The following ZNF599 variants were observed in gnomAD, a reference collection of about 807,000 sequenced individuals.
ZNF599 encodes zinc finger protein 599.
ZNF599 carries 10 observed loss-of-function variants against 11.7 expected under a neutral mutation model. The ratio of observed to expected loss-of-function variants is 0.86; its 90% CI spans 0.53 to 1.45. The LOEUF (loss-of-function observed/expected upper bound fraction) is 1.45, where lower values mean the gene tolerates loss of function less well. Among genes scored for constraint, ZNF599 ranks in the 40% most tolerant of loss-of-function variants. ZNF599 has a pLI of 0.00. For synonymous variants in ZNF599, 232 were observed against 253.2 expected (o/e 0.92, Z 0.79); for missense variants, 688 against 713.6 (o/e 0.96, Z 0.41).
At chr19:34,789,366 G>A in the ZNF599 span, among the ~76,000 whole-genome samples, 19 of 152,184 alleles carry the variant, frequency 1.2e-4, no homozygotes, top group East Asian at 3.3e-3. Context: ...TTGTGTCTAT[G>A]TCCAGAAGAG....
chr19:34,807,570 A>C, the ZNF599 span, among the ~76,000 whole-genome samples: 62 of 152,328 alleles, frequency 4.1e-4, 1 homozygote, highest in Middle Eastern at 0.01. Context: ...AACAGCTGCA[A>C]GGCAGCCAAA....
chr19:34,766,337 AG>A (rs1291762779), intron 3 of ZNF599, among the ~76,000 whole-genome samples: 4 of 152,198 alleles, frequency 2.6e-5, no homozygotes, highest in South Asian at 2.1e-4. Flanking sequence ...CAACAGGGCT[AG>A]GGAGTGCTTC....
Position 34,760,082 on chromosome 19 carries a change from G to C in ZNF599, c.719C>G (p.Ala240Gly). 1 of 1,614,038 alleles carries C rather than the reference G, an allele frequency of 6.2e-7. No homozygotes were observed. Among genetic ancestry groups the C allele is most frequent in the Non-Finnish European group, 8.5e-7 (1 of 1,179,982 alleles). ...AAGCCTCATATGTCGAATGACATCA[G>C]CCATATAACGACAGGCTTTCCCACA... The part of the protein sequence containing the change: ...NECGKACRYM[A>G]DVIRHMRLHT... Residue 240 changes from alanine to glycine, a missense_variant, in exon 4 of 4, where the codon GCT becomes GGT. Coordinates refer to ENST00000329285, the MANE Select transcript of ZNF599 (RefSeq NM_001007248.3).
chr19:34,785,920 T>C, the ZNF599 span, among the ~76,000 whole-genome samples: 5 of 152,236 alleles, frequency 3.3e-5, 1 homozygote. Flanking sequence ...GTGCTCCAAC[T>C]TGGGTGCTCC....
At chr19:34,765,491 A>G (rs1430163107) in intron 3 of ZNF599, 1 of 690,554 alleles carries the variant, frequency 1.4e-6, no homozygotes, top group African/African-American at 1.8e-5. Context: ...TAAATAAGTG[A>G]TGTTTTCAGC....
intron 3 of ZNF599, among the ~76,000 whole-genome samples, chr19:34,766,399 C>A (rs139526380): frequency 2.0e-5 from 3 of 152,116 alleles, no homozygotes; most frequent in Non-Finnish European, 1.5e-5. Flanking sequence ...CAATAAATGA[C>A]GGGCTGGAGA....
chr19:34,777,531 AATCTATAT>A (rs1036283435), upstream of ZNF599, among the ~76,000 whole-genome samples: 3 of 119,070 alleles, frequency 2.5e-5, no homozygotes, highest in African/African-American at 6.5e-5. Flanking sequence ...TATTATATAT[AATCTATAT>A]ATCTATATTA....
chr19:34,796,691 T>G, the ZNF599 span, among the ~76,000 whole-genome samples: 10 of 152,146 alleles, frequency 6.6e-5, no homozygotes, highest in Non-Finnish European at 2.9e-5. Context: ...GGCAATGCTT[T>G]ATTTCCATAT....
In ZNF599 at chr19:34,769,425, T is replaced by G. The variant is rs1469129265; in HGVS notation, c.145+4A>C. The stretch of plus-strand genomic sequence containing the variant: ...CCCTACATGGGAGGGTAATGAGGTC[T>G]TACCCAGTGAGACCAGGAGCCTGCA... On this transcript the variant is annotated splice_donor_region_variant and intron_variant, in intron 2 of 3. Coordinates refer to ENST00000329285, the MANE Select transcript of ZNF599 (RefSeq NM_001007248.3). 3 of 1,613,994 alleles carry G rather than the reference T, an allele frequency of 1.9e-6. No individual in the cohort carries two copies. The highest frequency in any genetic ancestry group is 1.3e-5 in the African/African-American group (1 of 74,912).
intron 3 of ZNF599, among the ~76,000 whole-genome samples, chr19:34,765,861 C>T (rs2069138855): frequency 6.6e-6 from 1 of 152,114 alleles, no homozygotes; most frequent in Non-Finnish European, 1.5e-5. Flanking sequence ...TAGCATTATG[C>T]AGGCAAGAGA....
chr19:34,807,390 C>T, the ZNF599 span, among the ~76,000 whole-genome samples: 3 of 152,160 alleles, frequency 2.0e-5, no homozygotes, highest in Non-Finnish European at 4.4e-5. Context: ...TGGGGACAGC[C>T]ACATGGCAGC....
chr19:34,782,971 TC>T, the ZNF599 span, among the ~76,000 whole-genome samples: 1 of 152,176 alleles, frequency 6.6e-6, no homozygotes, highest in Admixed American at 6.5e-5. Flanking sequence ...CTCCCCAACT[TC>T]CCAATTCAGA....
intron 1 of ZNF599, among the ~76,000 whole-genome samples, chr19:34,770,405 C>A (rs1030142706): frequency 1.3e-5 from 2 of 152,242 alleles, no homozygotes; most frequent in Non-Finnish European, 2.9e-5. Flanking sequence ...ACAGTTAAAA[C>A]AATTTCAGCC....
the ZNF599 span, among the ~76,000 whole-genome samples, chr19:34,800,689 G>A: frequency 1.5e-5 from 2 of 134,424 alleles, no homozygotes; most frequent in Non-Finnish European, 3.1e-5. Context: ...TCTGCCCCCC[G>A]GGTCCAAGCA....
At chr19:34,777,368 T>C (rs1396958393), upstream of ZNF599, among the ~76,000 whole-genome samples, 29 of 80,662 alleles carry the variant, frequency 3.6e-4, no homozygotes, top group African/African-American at 1.1e-3. Flanking sequence ...ATTAATATAT[T>C]ATATATTATA....
At chr19:34,772,615 G>C in intron 1 of ZNF599, 1 of 1,365,404 alleles carries the variant, frequency 7.3e-7, no homozygotes, top group East Asian at 3.1e-5. Context: ...CAGAGACAGG[G>C]ACCTCTCCTT....
At chr19:34,779,735 C>T in the ZNF599 span, 10 of 277,576 alleles carry the variant, frequency 3.6e-5, no homozygotes, top group Non-Finnish European at 5.6e-5. Context: ...AGTGTGAACT[C>T]GATGCATATT....
intron 3 of ZNF599, among the ~76,000 whole-genome samples, chr19:34,761,145 G>A (rs2069110894): frequency 6.6e-6 from 1 of 152,144 alleles, no homozygotes; most frequent in South Asian, 2.1e-4. Context: ...AGATGAGGAT[G>A]GAAAGGCAGG....
the ZNF599 span, among the ~76,000 whole-genome samples, chr19:34,779,243 C>CTTTTTTTTTTTTT: frequency 1.7e-5 from 1 of 57,312 alleles, no homozygotes; most frequent in African/African-American, 7.2e-5. Flanking sequence ...CCATGCCCAG[C>CTTTTTTTTTTTTT]TTTTTTTTTT....
Sources: allele counts gnomAD v4.1 joint callset (sites outside exome capture counted in the v4.1 genomes callset), GRCh38; gene constraint gnomAD v4.1.1; transcripts MANE v1.5; gene names NCBI Gene and HGNC (gene_info 2026-07-23, HGNC 2026-07-21).